APBA2: variants seen among roughly 807,000 people sequenced by gnomAD.
APBA2 encodes amyloid beta precursor protein binding family A member 2.
In APBA2, 30 loss-of-function variants were observed where a neutral mutation model predicts 75.0. The ratio of observed to expected loss-of-function variants is 0.40; its 90% CI spans 0.30 to 0.54. The LOEUF is 0.54. APBA2 is among the 20% of genes least tolerant of loss of function. The pLI is 0.49. For missense variants in APBA2, 801 were observed against 1,016.1 expected, an observed-to-expected ratio of 0.79 and a Z score of 2.88; for synonymous variants, 444 against 409.6, an observed-to-expected ratio of 1.08 and a Z score of -1.01.
intron 2 of APBA2, among the ~76,000 whole-genome samples, chr15:28,943,993 G>A (rs1028539185): frequency 3.4e-4 from 52 of 152,220 alleles, no homozygotes; most frequent in African/African-American, 1.2e-3. Context: ...TCTGCTGGAC[G>A]TTTGAACAGC....
At chr15:28,957,173 C>T (rs1484675981) in intron 2 of APBA2, among the ~76,000 whole-genome samples, 3 of 152,018 alleles carry the variant, frequency 2.0e-5, no homozygotes, top group South Asian at 2.1e-4. Flanking sequence ...CCCGGGTTCA[C>T]GCCATTCTCC....
chr15:28,923,250 T>C (rs549200038), intron 2 of APBA2, among the ~76,000 whole-genome samples: 1 of 152,202 alleles, frequency 6.6e-6, no homozygotes, highest in Non-Finnish European at 1.5e-5. Flanking sequence ...CCACTCCCCA[T>C]AGATTACCAC....
chr15:28,998,569 T>G (rs2038670348), intron 3 of APBA2, among the ~76,000 whole-genome samples: 1 of 151,952 alleles, frequency 6.6e-6, no homozygotes, highest in Non-Finnish European at 1.5e-5. Flanking sequence ...GCCAGAGCAC[T>G]AAGGGAGGAG....
chr15:28,998,874 C>T (rs947718958), intron 3 of APBA2, among the ~76,000 whole-genome samples: 6 of 152,204 alleles, frequency 3.9e-5, no homozygotes, highest in African/African-American at 7.2e-5. Flanking sequence ...ATGCCGGGCA[C>T]GGTGGTTCAC....
intron 3 of APBA2, among the ~76,000 whole-genome samples, chr15:29,012,498 T>TA (rs2039449817): frequency 6.6e-6 from 1 of 152,182 alleles, no homozygotes; most frequent in South Asian, 2.1e-4. Flanking sequence ...GTCTGAGTGT[T>TA]ATGCACCATC....
intron 2 of APBA2, among the ~76,000 whole-genome samples, chr15:28,944,517 G>A (rs1207598266): frequency 6.6e-6 from 1 of 152,174 alleles, no homozygotes; most frequent in Non-Finnish European, 1.5e-5. Flanking sequence ...CTGCGGACTC[G>A]CTCCTCGCAA....
chr15:28,931,851 A>C (rs1380955849), intron 2 of APBA2, among the ~76,000 whole-genome samples: 1 of 152,234 alleles, frequency 6.6e-6, no homozygotes, highest in Non-Finnish European at 1.5e-5. Flanking sequence ...AGTCTTTGGA[A>C]ATAATTGCAG....
rs563307609 is a variant in APBA2, at chr15:29,067,921, C to T, written c.952-7000C>T. Among the ~76,000 whole-genome samples the T allele has an allele frequency of 7.9e-5, 12 of 152,216 alleles. No homozygotes were observed. In the South Asian group the frequency reaches 1.7e-3, roughly 21 times the overall value. ...ATCTTATTGACTGGAACTGTGGACT[C>T]CTCGTATTAGGAGAACAGAGATGTG... On this transcript the variant is annotated intron_variant, in intron 4 of 14. Coordinates refer to ENST00000683413, the MANE Select transcript of APBA2 (RefSeq NM_001353788.2).
At chr15:28,933,770 C>G (rs1253682183) in intron 2 of APBA2, among the ~76,000 whole-genome samples, 1 of 152,230 alleles carries the variant, frequency 6.6e-6, no homozygotes, top group East Asian at 1.9e-4. Flanking sequence ...TCCCCTCTGC[C>G]TTGTGCCAGG....
intron 2 of APBA2, among the ~76,000 whole-genome samples, chr15:28,939,566 T>G (rs535528467): frequency 6.6e-6 from 1 of 152,262 alleles, no homozygotes; most frequent in Non-Finnish European, 1.5e-5. Flanking sequence ...CTTCCTTTTT[T>G]AAATGGTACT....
chr15:29,067,306 A>G (rs2042420689), intron 4 of APBA2, among the ~76,000 whole-genome samples: 1 of 152,162 alleles, frequency 6.6e-6, no homozygotes, highest in Non-Finnish European at 1.5e-5. Flanking sequence ...GGCCAAATCA[A>G]AACTATTTAG....
chr15:28,983,265 G>A (rs1390308971), intron 2 of APBA2, among the ~76,000 whole-genome samples: 1 of 152,170 alleles, frequency 6.6e-6, no homozygotes, highest in Non-Finnish European at 1.5e-5. Context: ...GTCATGTAAG[G>A]TGGTCCTTGT....
chr15:29,042,672 A>G (rs2041108970), intron 3 of APBA2, among the ~76,000 whole-genome samples: 1 of 152,128 alleles, frequency 6.6e-6, no homozygotes, highest in African/African-American at 2.4e-5. Context: ...CTTATTTTAA[A>G]TCTACACAGT....
chr15:29,063,890 G>A (rs1041044466), intron 4 of APBA2, among the ~76,000 whole-genome samples: 4 of 152,048 alleles, frequency 2.6e-5, no homozygotes, highest in African/African-American at 9.7e-5. Context: ...TTGTGAGATA[G>A]GATGAGAGGA....
intron 1 of APBA2, among the ~76,000 whole-genome samples, chr15:28,902,599 G>C (rs1312055588): frequency 1.3e-5 from 2 of 152,172 alleles, no homozygotes; most frequent in African/African-American, 4.8e-5. Context: ...ATGGTGGATC[G>C]AGATTCATTA....
chr15:29,033,295 C>T (rs550436331), intron 3 of APBA2, among the ~76,000 whole-genome samples: 3 of 152,308 alleles, frequency 2.0e-5, no homozygotes, highest in Middle Eastern at 6.8e-3. Flanking sequence ...CATTCCCTTT[C>T]CTTGGTTTAT....
intron 4 of APBA2, among the ~76,000 whole-genome samples, chr15:29,061,349 G>T (rs987236039): frequency 6.6e-6 from 1 of 152,168 alleles, no homozygotes; most frequent in Non-Finnish European, 1.5e-5. Flanking sequence ...GGCATTCCTT[G>T]TCCAGGACCT....
chr15:29,113,951 G>A lies in APBA2; in HGVS notation c.2113G>A (p.Gly705Arg), dbSNP rs753314225. The A allele has an allele frequency of 7.4e-6, 12 of 1,613,522 alleles. No individual in the cohort carries two copies. Among genetic ancestry groups the A allele is most frequent in the African/African-American group, 2.7e-5 (2 of 74,918 alleles). ...RVGHRIIEIN[G>R]QSVVATAHEK... ...GGGCCACCGCATCATCGAGATCAACGGGCAGAGCGTGGTGGCCACAGCCCA... is the reference window on the plus strand; with the variant it reads ...GGGCCACCGCATCATCGAGATCAACAGGCAGAGCGTGGTGGCCACAGCCCA... The change falls in exon 14 of 15, where the codon GGG (glycine) becomes AGG (arginine). Residue 705 changes from glycine to arginine, a missense_variant. By Grantham distance (125) the Gly-to-Arg change is moderately radical. Around this residue, in one of 2 missense-constraint regions of APBA2, gnomAD observed 367 missense variants for 544.5 expected, o/e 0.67. Transcript: ENST00000683413.
intron 6 of APBA2, among the ~76,000 whole-genome samples, chr15:29,088,596 G>T (rs1022114207): frequency 6.6e-6 from 1 of 152,134 alleles, no homozygotes; most frequent in Non-Finnish European, 1.5e-5. Context: ...CATTTCCGTT[G>T]TCACCCTGTC....
Sources: allele counts gnomAD v4.1 joint callset (sites outside exome capture counted in the v4.1 genomes callset), GRCh38; gene constraint gnomAD v4.1.1; regional missense constraint gnomAD v4.1.1; transcripts MANE v1.5; gene names NCBI Gene and HGNC (gene_info 2026-07-23, HGNC 2026-07-21).